UTS2B: variants seen among roughly 807,000 people sequenced by gnomAD.
UTS2B encodes urotensin 2B.
Under a neutral mutation model 19.2 loss-of-function variants are expected in UTS2B, and 21 were observed. That is an observed-to-expected ratio of 1.09 (90% CI 0.78 to 1.58). The LOEUF is 1.58. UTS2B is among the 40% of genes most tolerant of loss of function. UTS2B has a pLI of 0.00. For missense variants in UTS2B, 138 were observed against 130.3 expected, an observed-to-expected ratio of 1.06 and a Z score of -0.29; for synonymous variants, 57 against 50.2, an observed-to-expected ratio of 1.14 and a Z score of -0.58.
chr3:191,306,421 A>G (rs1438715713), intron 3 of UTS2B, among the ~76,000 whole-genome samples: 1 of 152,214 alleles, frequency 6.6e-6, no homozygotes, highest in African/African-American at 2.4e-5. Context: ...CAAATAATCC[A>G]TCATCTATTT....
rs2108571027 is a variant in UTS2B at position 191,276,806 on chromosome 3, C to G, written c.240+1G>C. The stretch of plus-strand genomic sequence containing the variant: ...CTCATTTAAGTATTTCACATTCTCA[C>G]CTGGTTAAGTTCTTCCAGTTTGTTA... On this transcript the variant is annotated splice_donor_variant, in intron 7 of 8. Coordinates refer to ENST00000340524, the MANE Select transcript of UTS2B (RefSeq NM_198152.5). LOFTEE classifies it high-confidence loss of function. 3.1e-6 allele frequency: 5 copies of G among 1,611,096 alleles called. No homozygotes were observed. Among genetic ancestry groups the G allele is most frequent in the Non-Finnish European group, 4.2e-6 (5 of 1,178,708 alleles).
At chr3:191,310,183 C>G (rs982797108) in intron 3 of UTS2B, among the ~76,000 whole-genome samples, 46 of 151,774 alleles carry the variant, frequency 3.0e-4, no homozygotes, top group African/African-American at 1.1e-3. Context: ...CCAGACTGGT[C>G]TTGAACTCCT....
intron 4 of UTS2B, among the ~76,000 whole-genome samples, chr3:191,288,192 A>G (rs1363108074): frequency 6.6e-6 from 1 of 152,210 alleles, no homozygotes; most frequent in African/African-American, 2.4e-5. Flanking sequence ...TAAAATGTAC[A>G]TACTACCAAA....
chr3:191,321,910 C>T (rs139634205), intron 2 of UTS2B, among the ~76,000 whole-genome samples: 3,080 of 152,136 alleles, frequency 0.02, 87 homozygotes, highest in African/African-American at 0.07. Flanking sequence ...GCCTGTAATC[C>T]CAGCTATTCG....
intron 7 of UTS2B, among the ~76,000 whole-genome samples, chr3:191,275,676 T>A (rs1716215842): frequency 7.1e-6 from 1 of 140,516 alleles, no homozygotes. Context: ...CAAGACTCCA[T>A]CTCAAAAAAA....
intron 4 of UTS2B, chr3:191,294,694 ATCTC>A (rs1381057555): frequency 6.6e-6 from 1 of 150,722 alleles, no homozygotes; most frequent in Non-Finnish European, 1.5e-5. Flanking sequence ...TGCATCTTTA[ATCTC>A]TCTCTCTACA....
chr3:191,328,864 C>T (rs1013481942), intron 1 of UTS2B, 155 bp from the exon 2 acceptor site: 3 of 152,214 alleles, frequency 2.0e-5, no homozygotes, highest in Non-Finnish European at 4.4e-5. Flanking sequence ...CTCAGTTCTC[C>T]CAGCTGATTG....
At chr3:191,302,705 G>T (rs1717035481) in intron 4 of UTS2B, among the ~76,000 whole-genome samples, 1 of 152,224 alleles carries the variant, frequency 6.6e-6, no homozygotes, top group Non-Finnish European at 1.5e-5. Flanking sequence ...AAGACATGGA[G>T]ATTGAGAAGA....
At chr3:191,289,447 T>TAAATAAATAAA (rs1206575948) in intron 4 of UTS2B, among the ~76,000 whole-genome samples, 3 of 144,584 alleles carry the variant, frequency 2.1e-5, no homozygotes, top group Non-Finnish European at 1.5e-5. Flanking sequence ...AATAAATAAA[T>TAAATAAATAAA]AAAAAACAAA....
chr3:191,331,647 C>A (rs938582830), upstream of UTS2B, among the ~76,000 whole-genome samples: 1 of 152,062 alleles, frequency 6.6e-6, no homozygotes, highest in African/African-American at 2.4e-5. Flanking sequence ...TTTCTAGTTC[C>A]AAGATCATCA....
At chr3:191,335,684 A>G in the UTS2B span, among the ~76,000 whole-genome samples, 1 of 152,216 alleles carries the variant, frequency 6.6e-6, no homozygotes, top group Non-Finnish European at 1.5e-5. Context: ...GAAAAAGGAA[A>G]AAAAACAAAG....
At chr3:191,344,733 C>G in the UTS2B span, among the ~76,000 whole-genome samples, 1 of 152,124 alleles carries the variant, frequency 6.6e-6, no homozygotes, top group Admixed American at 6.6e-5. Context: ...CACATACCAC[C>G]ACACCTGGCT....
intron 1 of UTS2B, chr3:191,329,753 A>T (rs1560151297): frequency 6.3e-7 from 1 of 1,597,866 alleles, no homozygotes; most frequent in South Asian, 1.1e-5. Flanking sequence ...AGCGCGCGGG[A>T]CCCTCCCCTC....
rs561171722 is a variant in UTS2B at position 191,324,267 on chromosome 3, G to A, written c.-586+4364C>T. Among the ~76,000 whole-genome samples, 5 of 152,324 alleles carry A rather than the reference G, an allele frequency of 3.3e-5. No individual in the cohort carries two copies. In the South Asian group the frequency reaches 1.0e-3, roughly 32 times the overall value. On this transcript the variant is annotated intron_variant, in intron 2 of 8. Coordinates refer to ENST00000340524, the MANE Select transcript of UTS2B (RefSeq NM_198152.5). ...CTTACCAGATGGGACTCCTTCAATT[G>A]GAGGCATTCATAAGTGTAACAAACA...
intron 1 of UTS2B, among the ~76,000 whole-genome samples, chr3:191,330,160 C>T (rs1717918481): frequency 6.6e-6 from 1 of 152,136 alleles, no homozygotes; most frequent in South Asian, 2.1e-4. Flanking sequence ...ATGACTCTTT[C>T]CCTCCTTCTC....
At position 191,292,898 on chromosome 3, in the gene UTS2B, T is replaced by C. The variant is rs547995683; in HGVS notation, c.-124-10585A>G. Among the ~76,000 whole-genome samples, 17 of 152,158 alleles carry C rather than the reference T, an allele frequency of 1.1e-4. No individual in the cohort carries two copies. In the South Asian group the frequency reaches 3.5e-3, roughly 32 times the overall value. Reference sequence around the variant, plus strand: ...ATTTTGTCAAATGCCTTTTCCCCTCTATTGAGACGACTATAGAATAAAATT... The same window carrying C: ...ATTTTGTCAAATGCCTTTTCCCCTCCATTGAGACGACTATAGAATAAAATT... On this transcript the variant is annotated intron_variant, in intron 4 of 8. Coordinates refer to ENST00000340524, the MANE Select transcript of UTS2B (RefSeq NM_198152.5).
rs1716496036 is a variant in UTS2B at position 191,285,017 on chromosome 3, G to A, written c.-124-2704C>T. On this transcript the variant is annotated intron_variant, in intron 4 of 8. Transcript: ENST00000340524. ...GAATGTATAAAACTCACTGGTAGAAGTAAGTACACAGTCAACTTCAGATGC... is the reference window on the plus strand; with the variant it reads ...GAATGTATAAAACTCACTGGTAGAAATAAGTACACAGTCAACTTCAGATGC... 5.3e-5 allele frequency among the ~76,000 whole-genome samples: 8 copies of A among 152,278 alleles called. No individual in the cohort carries two copies. In the South Asian group the frequency reaches 1.7e-3, roughly 32 times the overall value.
chr3:191,275,531 T>C (rs1231937457), intron 7 of UTS2B, among the ~76,000 whole-genome samples, 186 bp from the exon 8 acceptor site: 1 of 151,890 alleles, frequency 6.6e-6, no homozygotes, highest in Non-Finnish European at 1.5e-5. Flanking sequence ...CTACAAAAAA[T>C]TAGCTGGGCG....
At chr3:191,305,463 C>G (rs1221004970) in intron 3 of UTS2B, among the ~76,000 whole-genome samples, 5 of 152,096 alleles carry the variant, frequency 3.3e-5, no homozygotes, top group Non-Finnish European at 7.4e-5. Flanking sequence ...ACATGCATGT[C>G]TTCTTTGAGA....
Sources: allele counts gnomAD v4.1 joint callset (sites outside exome capture counted in the v4.1 genomes callset), GRCh38; gene constraint gnomAD v4.1.1; transcripts MANE v1.5; gene names NCBI Gene and HGNC (gene_info 2026-07-23, HGNC 2026-07-21).